Variants in SYTL4 observed in about 807,000 individuals in gnomAD.
The protein encoded by SYTL4 is synaptotagmin like 4.
In SYTL4, 16 loss-of-function variants were observed where a neutral mutation model predicts 52.7. The ratio of observed to expected loss-of-function variants is 0.30; its 90% CI spans 0.21 to 0.46. The LOEUF is 0.46. Ranked by LOEUF, SYTL4 falls within the 20% of genes least tolerant of loss-of-function variation. The pLI is 1.00. For missense variants in SYTL4, 423 were observed against 519.9 expected, an observed-to-expected ratio of 0.81 and a Z score of 1.81; for synonymous variants, 160 against 186.6, an observed-to-expected ratio of 0.86 and a Z score of 1.16.
At chrX:100,685,833 G>A in intron 16 of SYTL4, 157 bp downstream of exon 16, 1 of 496,605 alleles carries the variant, frequency 2.0e-6, no homozygotes, top group African/African-American at 2.4e-5. Context: ...ATAGACAAAT[G>A]CCTCTGAAAT....
rs1158334183 is a variant in SYTL4, at chrX:100,676,025, G to A, written c.*3C>T. The A allele has an allele frequency of 8.3e-7, 1 of 1,205,866 alleles. No individual in the cohort carries two copies. The highest frequency in any genetic ancestry group is 1.1e-6 in the Non-Finnish European group (1 of 893,641). On this transcript the variant is annotated 3_prime_UTR_variant, in exon 20 of 20. Coordinates refer to ENST00000372989, the MANE Select transcript of SYTL4 (RefSeq NM_001370165.1). ...GGCTGGACCTGCAGAAGAGGACAGG[G>A]ACTCATAAACCCAGCTTCTGCTTGG...
intron 2 of SYTL4, among the ~76,000 whole-genome samples, chrX:100,707,230 T>A (rs775691348): frequency 4.5e-5 from 5 of 112,311 alleles, no homozygotes; most frequent in Non-Finnish European, 7.5e-5. Context: ...ATAATTTTTT[T>A]AAAAAATCCT....
Position 100,700,890 on chromosome X carries a change from T to G in SYTL4, c.539+7A>C, listed in dbSNP as rs368179938. ...AGCATTTCTTTAAACAATTACTTGA[T>G]TCTTACCTGGGCTCCTTCTGCCGCT... On this transcript the variant is annotated splice_region_variant and intron_variant, in intron 8 of 19. Transcript: ENST00000372989. The G allele has an allele frequency of 8.4e-6, 10 of 1,186,116 alleles. No homozygotes were observed. The highest frequency in any genetic ancestry group is 1.0e-5 in the Non-Finnish European group (9 of 874,472).
intron 2 of SYTL4, among the ~76,000 whole-genome samples, chrX:100,721,662 A>G (rs2084341692): frequency 9.0e-6 from 1 of 111,109 alleles, no homozygotes; most frequent in African/African-American, 3.3e-5. Context: ...TAGCCTATTC[A>G]GCCAATGAGC....
intron 13 of SYTL4, chrX:100,687,523 C>G: frequency 3.0e-6 from 1 of 334,411 alleles, no homozygotes; most frequent in Admixed American, 5.0e-5. Context: ...TCACCTGCCC[C>G]AGGAGGTGGG....
At chrX:100,700,742 A>G (rs939938023) in intron 8 of SYTL4, among the ~76,000 whole-genome samples, 155 bp downstream of exon 8, 1 of 112,761 alleles carries the variant, frequency 8.9e-6, no homozygotes, top group Admixed American at 9.4e-5. Flanking sequence ...TAGTGGGATT[A>G]GGAATGATTT....
chrX:100,711,232 T>C (rs933684323), intron 2 of SYTL4, among the ~76,000 whole-genome samples: 11 of 111,871 alleles, frequency 9.8e-5, no homozygotes, highest in African/African-American at 3.3e-4. Context: ...AGTATACTTA[T>C]AGTAATACAA....
Position 100,711,816 on chromosome X carries a change from G to A in SYTL4, c.-239-6930C>T, listed in dbSNP as rs919679088. The stretch of plus-strand genomic sequence containing the variant: ...TATACCATGTGGCACACCATAAATT[G>A]CTTAAAACCAGAAACAATGGGAAAA... On this transcript the variant is annotated intron_variant, in intron 2 of 19. Transcript: ENST00000372989. Among the ~76,000 whole-genome samples the A allele has an allele frequency of 4.8e-5, 5 of 104,257 alleles. No individual in the cohort carries two copies. In the Admixed American group the frequency reaches 5.3e-4, roughly 11 times the overall value. The allele number at this position is 104,257 out of a possible 115,157, so 90.5% of individuals were successfully genotyped here.
chrX:100,676,237 T>C (rs1399203120), intron 19 of SYTL4, 61 bp from the exon 20 acceptor site: 77 of 1,154,472 alleles, frequency 6.7e-5, no homozygotes, highest in Non-Finnish European at 9.0e-5. Flanking sequence ...CCAGGGAAGA[T>C]GGGTTGTACA....
At chrX:100,708,691 A>C (rs2084007776) in intron 2 of SYTL4, among the ~76,000 whole-genome samples, 1 of 112,438 alleles carries the variant, frequency 8.9e-6, no homozygotes, top group Non-Finnish European at 1.9e-5. Context: ...TTGGGTTCAA[A>C]TCCTAGCTCT....
At position 100,701,631 on chromosome X, in the gene SYTL4, G is replaced by A; in HGVS notation, c.153C>T (p.Ala51=). 8.3e-7 allele frequency: 1 copy of A among 1,211,685 alleles called. No homozygotes were observed. The highest frequency in any genetic ancestry group is 2.2e-5 in the Admixed American group (1 of 46,043). The change falls in exon 6 of 20, where the codon GCC becomes GCT. Residue 51 remains alanine (A), a synonymous_variant. Transcript: ENST00000372989. ...CACTGTAGTGTTGGCTGCCCCTCTT[G>A]GCCCCTTTCCTTTTTATCTCCAGTA... ...NELLEIKRKG[A]KRGSQHYSDR...
chrX:100,699,482 C>CATTTT (rs1313181387), intron 8 of SYTL4, among the ~76,000 whole-genome samples: 2 of 59,892 alleles, frequency 3.3e-5, no homozygotes, highest in Non-Finnish European at 5.4e-5. Flanking sequence ...CAGCATTACT[C>CATTTT]TTTTTTTTTT....
At chrX:100,679,234 A>G in intron 18 of SYTL4, 79 bp downstream of exon 18, 1 of 829,592 alleles carries the variant, frequency 1.2e-6, no homozygotes, top group Non-Finnish European at 1.8e-6. Flanking sequence ...ACTGGATAAT[A>G]TCCACAGAGA....
At chrX:100,716,048 C>T (rs2084199980) in intron 2 of SYTL4, among the ~76,000 whole-genome samples, 1 of 108,296 alleles carries the variant, frequency 9.2e-6, no homozygotes, top group African/African-American at 3.4e-5. Flanking sequence ...AAAACTAATA[C>T]GTATTATTTG....
chrX:100,716,920 TC>T (rs764776195), intron 2 of SYTL4, among the ~76,000 whole-genome samples: 4 of 111,920 alleles, frequency 3.6e-5, no homozygotes, highest in Non-Finnish European at 7.5e-5. Flanking sequence ...GTTTCAAAGT[TC>T]CCTTTGGATT....
At chrX:100,679,255 C>A (rs922412209) in intron 18 of SYTL4, 58 bp downstream of exon 18, 5 of 958,158 alleles carry the variant, frequency 5.2e-6, no homozygotes, top group Non-Finnish European at 5.9e-6. Flanking sequence ...AAGTTAAATT[C>A]TTCTCTTAGC....
At chrX:100,690,688 T>G (rs1442412169) in intron 9 of SYTL4, 50 bp from the exon 10 acceptor site, 20 of 993,115 alleles carry the variant, frequency 2.0e-5, no homozygotes, top group Non-Finnish European at 2.8e-5. Flanking sequence ...ACCCTTCCCC[T>G]TCTACCCAGG....
At chrX:100,687,628 C>T (rs1027994598) in intron 13 of SYTL4, 8 of 138,831 alleles carry the variant, frequency 5.8e-5, no homozygotes, top group Non-Finnish European at 1.1e-4. Context: ...CTAACTAAAA[C>T]AAGGTGCCTT....
intron 15 of SYTL4, 79 bp downstream of exon 15, chrX:100,686,600 G>T: frequency 2.7e-6 from 2 of 728,892 alleles, no homozygotes; most frequent in Non-Finnish European, 4.1e-6. Context: ...GTGTCACCTG[G>T]TCATGTTGCA....
Sources: gnomAD v4.1 joint callset for allele counts (sites outside exome capture counted in the v4.1 genomes callset) on GRCh38, gnomAD v4.1.1 for gene constraint, MANE v1.5 for transcripts, NCBI Gene and HGNC (gene_info 2026-07-23, HGNC 2026-07-21) for gene names.